Variants in WWOX observed in about 807,000 individuals in gnomAD.
The protein encoded by WWOX is WW domain-containing oxidoreductase.
Under a neutral mutation model 46.2 loss-of-function variants are expected in WWOX, and 69 were observed. The ratio of observed to expected loss-of-function variants is 1.49; its 90% CI spans 1.23 to 1.82. The LOEUF is 1.82. Among genes scored for constraint, WWOX ranks in the 40% most tolerant of loss-of-function variants. The pLI, the probability that WWOX is intolerant of heterozygous loss-of-function variation, is 0.00. For missense variants in WWOX, 919 were observed against 542.6 expected (o/e 1.69, Z -6.89); for synonymous variants, 359 against 202.6 (o/e 1.77, Z -6.56).
At chr16:78,782,850 A>T (rs1012565889) in intron 8 of WWOX, among the ~76,000 whole-genome samples, 4 of 152,186 alleles carry the variant, frequency 2.6e-5, no homozygotes, top group Non-Finnish European at 5.9e-5. Flanking sequence ...TGCGAAGAAC[A>T]TTGTTAATTA....
intron 8 of WWOX, among the ~76,000 whole-genome samples, chr16:79,032,877 C>G (rs2656643): frequency 2.1e-4 from 32 of 151,216 alleles, no homozygotes; most frequent in African/African-American, 7.0e-4. Context: ...GGTATTAAGC[C>G]TAGTGCCCAT....
intron 8 of WWOX, among the ~76,000 whole-genome samples, chr16:78,951,137 G>T (rs895131837): frequency 2.6e-5 from 4 of 152,214 alleles, no homozygotes; most frequent in African/African-American, 9.6e-5. Flanking sequence ...CAAAGATGGG[G>T]ATTGATTGGC....
At chr16:78,536,404 C>T (rs1329511245) in intron 8 of WWOX, among the ~76,000 whole-genome samples, 1 of 151,720 alleles carries the variant, frequency 6.6e-6, no homozygotes, top group African/African-American at 2.4e-5. Context: ...TGTAATCTGC[C>T]CCGGGGTCCT....
intron 8 of WWOX, among the ~76,000 whole-genome samples, chr16:78,957,493 A>T (rs775395346): frequency 6.6e-6 from 1 of 152,190 alleles, no homozygotes; most frequent in Non-Finnish European, 1.5e-5. Flanking sequence ...TGGGGCTGAG[A>T]CACCAGAACA....
chr16:78,310,070 C>A (rs1022360594), intron 5 of WWOX, among the ~76,000 whole-genome samples: 1 of 151,926 alleles, frequency 6.6e-6, no homozygotes, highest in African/African-American at 2.4e-5. Context: ...CCTCCTTCCC[C>A]CTCTCTTTTT....
chr16:78,763,930 C>G lies in WWOX; in HGVS notation c.1056+331178C>G, dbSNP rs772097926. On this transcript the variant is annotated intron_variant, in intron 8 of 8. Coordinates refer to ENST00000566780, the MANE Select transcript of WWOX (RefSeq NM_016373.4). ...CAAAACCCTCTTCTATTTCCTTTAG[C>G]ACTCTTGAGCTGAAGAAGCCCCACT... 1.2e-4 allele frequency among the ~76,000 whole-genome samples: 18 copies of G among 152,162 alleles called. 1 individual carries two copies. Among genetic ancestry groups the G allele is most frequent in the Middle Eastern group, 6.3e-3 (2 of 316 alleles).
At position 78,856,436 on chromosome 16, in the gene WWOX, A is replaced by G. The variant is rs866633033; in HGVS notation, c.1057-355172A>G. On this transcript the variant is annotated intron_variant, in intron 8 of 8. Transcript: ENST00000566780. ...GGCGGGTGGATAGCTTGAGGTCAAG[A>G]GTTCGAGACCAGCCTGGCCAACATC... 4.6e-5 allele frequency among the ~76,000 whole-genome samples: 7 copies of G among 152,312 alleles called. No individual in the cohort carries two copies. The South Asian group carries it at 1.4e-3, about 32-fold the overall frequency.
intron 5 of WWOX, among the ~76,000 whole-genome samples, chr16:78,324,270 A>G (rs1239787911): frequency 5.3e-5 from 8 of 152,124 alleles, no homozygotes; most frequent in Admixed American, 5.2e-4. Flanking sequence ...GTTGAAATGT[A>G]GAAGTGAAAA....
At position 78,545,025 on chromosome 16, in the gene WWOX, G is replaced by GAGAA. The variant is rs111263107; in HGVS notation, c.1056+112281_1056+112284dup. ...ACACCAGCTTTACAAAAGAGAGAGA[G>GAGAA]AGAAAGAAAGAGAGAGAGATTATTT... On this transcript the variant is annotated intron_variant, in intron 8 of 8. Coordinates refer to ENST00000566780, the MANE Select transcript of WWOX (RefSeq NM_016373.4). Among the ~76,000 whole-genome samples the GAGAA allele has an allele frequency of 3.0e-4, 46 of 152,208 alleles. 1 individual carries two copies. Among genetic ancestry groups the GAGAA allele is most frequent in the African/African-American group, 1.0e-3 (43 of 41,546 alleles).
At chr16:78,990,391 C>T (rs62036057) in intron 8 of WWOX, among the ~76,000 whole-genome samples, 17,667 of 152,154 alleles carry the variant, frequency 0.12, 1,185 homozygotes, top group East Asian at 0.21. Flanking sequence ...CAACTGTTCT[C>T]TGCACGACCT....
At chr16:78,841,267 A>T (rs2052141037) in intron 8 of WWOX, among the ~76,000 whole-genome samples, 1 of 152,204 alleles carries the variant, frequency 6.6e-6, no homozygotes, top group Admixed American at 6.5e-5. Context: ...TTGAAACATC[A>T]TGCAGCACTG....
At chr16:78,941,192 C>A (rs889924891) in intron 8 of WWOX, among the ~76,000 whole-genome samples, 1 of 152,096 alleles carries the variant, frequency 6.6e-6, no homozygotes, top group Non-Finnish European at 1.5e-5. Context: ...ATCCCAGTTG[C>A]AAAGGATAAA....
At chr16:78,353,236 G>A (rs1421943901) in intron 5 of WWOX, among the ~76,000 whole-genome samples, 1 of 152,134 alleles carries the variant, frequency 6.6e-6, no homozygotes, top group Non-Finnish European at 1.5e-5. Flanking sequence ...GTTTATGTAG[G>A]GGCCCGTGTA....
intron 8 of WWOX, among the ~76,000 whole-genome samples, chr16:79,074,915 G>A (rs2048626042): frequency 6.6e-6 from 1 of 151,728 alleles, no homozygotes; most frequent in African/African-American, 2.4e-5. Flanking sequence ...TTTTGCCAAA[G>A]TGTAGTATAT....
At chr16:78,763,812 A>C (rs1014258701) in intron 8 of WWOX, among the ~76,000 whole-genome samples, 1 of 152,210 alleles carries the variant, frequency 6.6e-6, no homozygotes, top group East Asian at 1.9e-4. Context: ...GCCGAAGCAT[A>C]ATTGTCAGCA....
At chr16:78,734,902 G>T (rs1380472482) in intron 8 of WWOX, among the ~76,000 whole-genome samples, 2 of 112,656 alleles carry the variant, frequency 1.8e-5, no homozygotes, top group East Asian at 3.0e-4. Flanking sequence ...GTCTGGCTCT[G>T]TTGGCTAGGC....
chr16:78,411,786 A>G, intron 6 of WWOX, among the ~76,000 whole-genome samples: 1 of 152,320 alleles, frequency 6.6e-6, no homozygotes, highest in Non-Finnish European at 1.5e-5. Flanking sequence ...AGCTAGAAAC[A>G]TGGAGTGACA....
At chr16:78,391,095 G>A (rs544172103) in intron 6 of WWOX, among the ~76,000 whole-genome samples, 1 of 152,160 alleles carries the variant, frequency 6.6e-6, no homozygotes, top group African/African-American at 2.4e-5. Context: ...GGTGAGAAAA[G>A]CAGCATATTG....
intron 5 of WWOX, among the ~76,000 whole-genome samples, chr16:78,291,704 C>T (rs957520218): frequency 4.6e-5 from 7 of 151,810 alleles, no homozygotes; most frequent in South Asian, 2.1e-4. Context: ...AGTTACACAA[C>T]GGCTGTAAAA....
Sources: gnomAD v4.1 joint callset for allele counts (sites outside exome capture counted in the v4.1 genomes callset) on GRCh38, gnomAD v4.1.1 for gene constraint, MANE v1.5 for transcripts, NCBI Gene and HGNC (gene_info 2026-07-23, HGNC 2026-07-21) for gene names.